FXR1: variants seen among roughly 807,000 people sequenced by gnomAD.
FXR1 encodes RNA-binding protein FXR1.
In FXR1, 15 loss-of-function variants were observed where a neutral mutation model predicts 84.0. The ratio of observed to expected loss-of-function variants is 0.18; its 90% CI spans 0.12 to 0.27. The LOEUF (loss-of-function observed/expected upper bound fraction) is 0.27. Among genes scored for constraint, FXR1 ranks in the 10% least tolerant of loss-of-function variants. The pLI is 1.00. For synonymous variants in FXR1, 245 were observed against 250.7 expected (o/e 0.98, Z 0.21); for missense variants, 480 against 774.4 (o/e 0.62, Z 4.51).
intron 1 of FXR1, among the ~76,000 whole-genome samples, chr3:180,931,739 GTTTTTTT>G (rs5854881): frequency 9.9e-6 from 1 of 101,432 alleles, no homozygotes; most frequent in African/African-American, 4.2e-5. Flanking sequence ...GTTGTTGTGG[GTTTTTTT>G]TTTTTTTTTT....
chr3:180,968,012 A>G (rs946149945), intron 13 of FXR1, 39 bp from the exon 14 acceptor site: 2 of 1,307,178 alleles, frequency 1.5e-6, no homozygotes, highest in South Asian at 1.2e-5. Flanking sequence ...AAGGCTTTTT[A>G]TAGAAATCTA....
At chr3:180,961,253 T>C (rs951316816) in intron 10 of FXR1, among the ~76,000 whole-genome samples, 1 of 144,002 alleles carries the variant, frequency 6.9e-6, no homozygotes, top group African/African-American at 2.6e-5. Flanking sequence ...GACAGGAGAA[T>C]CACTTGAGCC....
rs571323862 is a variant in FXR1 at position 180,966,095 on chromosome 3, T to G, written c.1199-1956T>G. Among the ~76,000 whole-genome samples, 6 of 152,292 alleles carry G rather than the reference T, an allele frequency of 3.9e-5. No individual in the cohort carries two copies. The East Asian group carries it at 1.2e-3, about 29-fold the overall frequency. On this transcript the variant is annotated intron_variant, in intron 13 of 16. Transcript: ENST00000357559. The stretch of plus-strand genomic sequence containing the variant: ...CTTAAACATTCTGAAAGGCTTTTTT[T>G]TTCACTATTCAAGGAAAGATAAATT...
At chr3:180,915,372 T>G (rs924360273) in intron 1 of FXR1, 1 of 634,594 alleles carries the variant, frequency 1.6e-6, no homozygotes, top group Admixed American at 3.2e-5. Context: ...TTCTAGAGTG[T>G]TTTCTGTCCC....
chr3:180,959,651 C>G (rs1399470234), intron 10 of FXR1, among the ~76,000 whole-genome samples: 1 of 151,744 alleles, frequency 6.6e-6, no homozygotes, highest in East Asian at 2.0e-4. Flanking sequence ...TCCCACCCCC[C>G]TTTTTATTCA....
In FXR1 at chr3:180,981,582, A is replaced by AATCTCTG. The variant is rs1714611648; in HGVS notation, c.*5293_*5299dup. ...GGGAAGAGGCTAAGTGACTCACAAA[A>AATCTCTG]ATCTCTGATATTGAGGTCTAATGTG... On this transcript the variant is annotated 3_prime_UTR_variant, in exon 17 of 17. Coordinates refer to ENST00000357559, the MANE Select transcript of FXR1 (RefSeq NM_005087.4). The AATCTCTG allele has an allele frequency of 6.6e-6, 1 of 152,064 alleles. No homozygotes were observed. The highest frequency in any genetic ancestry group is 2.1e-4 in the South Asian group (1 of 4,836). The allele number at this position is 152,064 out of a possible 1,614,324, so 9.4% of individuals were successfully genotyped here. A position where few individuals can be genotyped will look rare whatever the true frequency, so the allele number is the denominator to read the frequency against.
chr3:180,916,064 T>TTATA (rs1252259740), intron 1 of FXR1, among the ~76,000 whole-genome samples: 13 of 152,216 alleles, frequency 8.5e-5, no homozygotes, highest in African/African-American at 3.1e-4. Context: ...TAAAATAACA[T>TTATA]TATAGGCTTT....
chr3:180,947,318 A>AT (rs1383657260), intron 3 of FXR1, among the ~76,000 whole-genome samples: 4 of 152,192 alleles, frequency 2.6e-5, no homozygotes, highest in African/African-American at 9.6e-5. Flanking sequence ...AAGTGCTGGG[A>AT]TTACAGGTGT....
chr3:180,930,444 A>G (rs1349863735), intron 1 of FXR1, among the ~76,000 whole-genome samples: 1 of 152,156 alleles, frequency 6.6e-6, no homozygotes, highest in East Asian at 1.9e-4. Flanking sequence ...AAGGTGAGAA[A>G]GGAGTGAAAG....
At position 180,976,822 on chromosome 3, in the gene FXR1, T is replaced by G. The variant is rs191923790; in HGVS notation, c.*530T>G. 6.5e-6 allele frequency: 1 copy of G among 152,680 alleles called. No individual in the cohort carries two copies. The highest frequency in any genetic ancestry group is 2.4e-5 in the African/African-American group (1 of 41,462). 9.5% of individuals were successfully genotyped at this position (152,680 alleles called of 1,614,324 possible). The stretch of plus-strand genomic sequence containing the variant: ...GAGGAAAATCTGCAGACCACTGGAA[T>G]ACATTTGTTAAACTCTCATCTGCAG... On this transcript the variant is annotated 3_prime_UTR_variant, in exon 17 of 17. Coordinates refer to ENST00000357559, the MANE Select transcript of FXR1 (RefSeq NM_005087.4).
At chr3:180,965,454 C>T (rs1349712157) in intron 13 of FXR1, among the ~76,000 whole-genome samples, 6 of 151,940 alleles carry the variant, frequency 3.9e-5, no homozygotes, top group Non-Finnish European at 8.8e-5. Context: ...TAAATTATCA[C>T]AAACTTAGAG....
Position 180,975,392 on chromosome 3 carries a change from C to CA in FXR1, c.1685dup (p.Lys563GlufsTer9), listed in dbSNP as rs1288730299. ...TCCCAAGGGAAACTTTGGCTAAAAA[C>CA]AAGAAAGAAATGGTAAGGAGAATTT... On this transcript the variant is annotated frameshift_variant, in exon 16 of 17. Coordinates refer to ENST00000357559, the MANE Select transcript of FXR1 (RefSeq NM_005087.4). LOFTEE classifies it high-confidence loss of function. 1 of 1,403,386 alleles carries CA rather than the reference C, an allele frequency of 7.1e-7. No individual in the cohort carries two copies. Among genetic ancestry groups the CA allele is most frequent in the African/African-American group, 1.5e-5 (1 of 68,528 alleles). The allele number at this position is 1,403,386 out of a possible 1,614,324, so 86.9% of individuals were successfully genotyped here. A position where few individuals can be genotyped will look rare whatever the true frequency, so the allele number is the denominator to read the frequency against.
intron 9 of FXR1, among the ~76,000 whole-genome samples, chr3:180,957,145 A>G (rs1453770095): frequency 6.6e-6 from 1 of 152,100 alleles, no homozygotes; most frequent in East Asian, 1.9e-4. Flanking sequence ...TTTATTTATT[A>G]ATATACTCAA....
chr3:180,965,444 TA>T (rs1340266287), intron 13 of FXR1, among the ~76,000 whole-genome samples: 2 of 152,148 alleles, frequency 1.3e-5, no homozygotes, highest in African/African-American at 4.8e-5. Flanking sequence ...ATTGCAGTAA[TA>T]AATTATCACA....
intron 10 of FXR1, 135 bp downstream of exon 10, chr3:180,958,063 T>C: frequency 4.4e-6 from 2 of 455,996 alleles, no homozygotes; most frequent in East Asian, 3.5e-5. Flanking sequence ...TATAATATTA[T>C]TTCATACACT....
intron 3 of FXR1, among the ~76,000 whole-genome samples, chr3:180,938,046 C>T (rs1464540533): frequency 2.0e-5 from 3 of 152,008 alleles, no homozygotes; most frequent in Non-Finnish European, 1.5e-5. Flanking sequence ...CAAACATTTT[C>T]GTGTCTTCTC....
rs976559666 is a variant in FXR1, at chr3:180,981,643, T to C, written c.*5351T>C. On this transcript the variant is annotated 3_prime_UTR_variant, in exon 17 of 17. Coordinates refer to ENST00000357559, the MANE Select transcript of FXR1 (RefSeq NM_005087.4). Reference sequence around the variant, plus strand: ...ATAGGAATTCCCCACAAACTTCTAATGAGGACTAATATGAACAGCAAATTG... The same window carrying C: ...ATAGGAATTCCCCACAAACTTCTAACGAGGACTAATATGAACAGCAAATTG... 6.6e-6 allele frequency: 1 copy of C among 152,042 alleles called. No homozygotes were observed. The highest frequency in any genetic ancestry group is 1.5e-5 in the Non-Finnish European group (1 of 67,954). 9.4% of individuals were successfully genotyped at this position (152,042 alleles called of 1,614,324 possible).
chr3:180,961,367 AGGTGTGT>A (rs1490857179), intron 10 of FXR1, 94 bp from the exon 11 acceptor site: 1 of 116,176 alleles, frequency 8.6e-6, no homozygotes, highest in Non-Finnish European at 1.5e-5. Context: ...AAAAAAAAAA[AGGTGTGT>A]GTGTGTGTGC....
At position 180,912,713 on chromosome 3, in the gene FXR1, G is replaced by A. The variant is rs1457094206; in HGVS notation, c.28G>A (p.Gly10Ser). 1.2e-6 allele frequency: 2 copies of A among 1,613,838 alleles called. No individual in the cohort carries two copies. Among genetic ancestry groups the A allele is most frequent in the South Asian group, 1.1e-5 (1 of 91,064 alleles). MAELTVEVR[G>S]SNGAFYKGFI... ...GGCGGAGCTGACGGTGGAGGTTCGC[G>A]GCTCTAACGGGGCTTTCTACAAGGT... The change falls in exon 1 of 17, where the codon GGC (glycine) becomes AGC (serine). Residue 10 changes from glycine to serine, a missense_variant. By Grantham distance (56) the Gly-to-Ser change is moderately conservative (BLOSUM62 0). Transcript: ENST00000357559.
Sources: gnomAD v4.1 joint callset for allele counts (sites outside exome capture counted in the v4.1 genomes callset) on GRCh38, gnomAD v4.1.1 for gene constraint, MANE v1.5 for transcripts, NCBI Gene and HGNC (gene_info 2026-07-23, HGNC 2026-07-21) for gene names.